The following ZFPM2 variants were observed in gnomAD, a reference collection of about 807,000 sequenced individuals.
ZFPM2 encodes the protein zinc finger protein, FOG family member 2.
ZFPM2 carries 20 observed loss-of-function variants against 98.6 expected under a neutral mutation model. The observed-to-expected ratio is 0.20, with a 90% CI of 0.14 to 0.29. The LOEUF is 0.29. Ranked by LOEUF, ZFPM2 falls within the 10% of genes least tolerant of loss-of-function variation. The pLI is 1.00. For synonymous variants in ZFPM2, 518 were observed against 502.7 expected (o/e 1.03, Z -0.41); for missense variants, 1,310 against 1,388.6 (o/e 0.94, Z 0.90).
Position 105,441,468 on chromosome 8 carries a change from A to G in ZFPM2, c.200-2812A>G, listed in dbSNP as rs1243099196. Among the ~76,000 whole-genome samples the G allele has an allele frequency of 6.2e-4, 50 of 80,112 alleles. 9 individuals carry two copies. Among genetic ancestry groups the G allele is most frequent in the African/African-American group, 4.2e-3 (47 of 11,060 alleles). The allele number at this position is 80,112 out of a possible 152,430, so 52.6% of individuals were successfully genotyped here. ...AGAGAGAGAGAGAAAGAAAGAAAGA[A>G]AGAAAGAAAGAAAGAAAGAAAGAAA... On this transcript the variant is annotated intron_variant, in intron 2 of 7. Transcript: ENST00000407775.
At chr8:105,736,770 T>C (rs1812081728) in intron 5 of ZFPM2, among the ~76,000 whole-genome samples, 3 of 152,086 alleles carry the variant, frequency 2.0e-5, no homozygotes, top group Non-Finnish European at 4.4e-5. Context: ...ACTAACTGAA[T>C]ATTCGATTTT....
intron 3 of ZFPM2, among the ~76,000 whole-genome samples, chr8:105,529,136 T>C (rs1050342056): frequency 7.2e-5 from 11 of 152,152 alleles, no homozygotes; most frequent in African/African-American, 2.7e-4. Flanking sequence ...CCCTAGCTTG[T>C]AGATGGCCAT....
intron 1 of ZFPM2, among the ~76,000 whole-genome samples, chr8:105,406,803 G>A (rs1768640255): frequency 6.6e-6 from 1 of 151,974 alleles, no homozygotes; most frequent in East Asian, 1.9e-4. Flanking sequence ...AATGTACATA[G>A]GGGAGGCCTA....
At chr8:105,368,497 C>A (rs545638149) in intron 1 of ZFPM2, among the ~76,000 whole-genome samples, 2 of 152,272 alleles carry the variant, frequency 1.3e-5, no homozygotes, top group Admixed American at 6.5e-5. Flanking sequence ...TAAATTAAAA[C>A]ATTGATGCTT....
chr8:105,390,910 G>A (rs768021728), intron 1 of ZFPM2, among the ~76,000 whole-genome samples: 9 of 152,150 alleles, frequency 5.9e-5, no homozygotes, highest in Non-Finnish European at 1.2e-4. Flanking sequence ...GCTAATTTTA[G>A]ATTCCTGGAG....
intron 5 of ZFPM2, among the ~76,000 whole-genome samples, chr8:105,750,699 C>A (rs1488043115): frequency 6.6e-6 from 1 of 151,924 alleles, no homozygotes; most frequent in African/African-American, 2.4e-5. Context: ...CTGAAATGAG[C>A]AACAGTAATA....
At chr8:105,425,944 G>C (rs1462619877) in intron 2 of ZFPM2, among the ~76,000 whole-genome samples, 2 of 151,978 alleles carry the variant, frequency 1.3e-5, no homozygotes, top group Non-Finnish European at 2.9e-5. Context: ...TTTGTTTCCT[G>C]TTTTCTTATG....
At chr8:105,354,209 C>A (rs1458240092) in intron 1 of ZFPM2, among the ~76,000 whole-genome samples, 2 of 152,118 alleles carry the variant, frequency 1.3e-5, no homozygotes, top group Non-Finnish European at 2.9e-5. Flanking sequence ...CGTATTGTAA[C>A]AAGAAAACAC....
chr8:105,437,903 C>G (rs1036556187), intron 2 of ZFPM2, among the ~76,000 whole-genome samples: 7 of 151,874 alleles, frequency 4.6e-5, no homozygotes, highest in African/African-American at 1.7e-4. Flanking sequence ...ATTAGATGGG[C>G]ATGGTGGTGC....
chr8:105,671,093 C>T (rs1817585317), intron 5 of ZFPM2, among the ~76,000 whole-genome samples: 1 of 152,054 alleles, frequency 6.6e-6, no homozygotes, highest in African/African-American at 2.4e-5. Flanking sequence ...ATGTATTCAT[C>T]TCTTTAAAAC....
intron 5 of ZFPM2, chr8:105,787,537 T>C (rs1039226117): frequency 1.3e-5 from 2 of 152,234 alleles, no homozygotes; most frequent in African/African-American, 4.8e-5. Context: ...TGCCATATCA[T>C]ATACTGTTGT....
At chr8:105,423,503 G>A (rs571604780) in intron 2 of ZFPM2, among the ~76,000 whole-genome samples, 23 of 152,226 alleles carry the variant, frequency 1.5e-4, no homozygotes, top group Admixed American at 6.5e-4. Context: ...AGAGTACGTG[G>A]CATCTTGCCT....
chr8:105,391,189 G>A (rs1288628160), intron 1 of ZFPM2, among the ~76,000 whole-genome samples: 1 of 152,192 alleles, frequency 6.6e-6, no homozygotes, highest in African/African-American at 2.4e-5. Flanking sequence ...CCACCAGTGT[G>A]TGCTCACTTC....
intron 5 of ZFPM2, among the ~76,000 whole-genome samples, chr8:105,778,276 G>A (rs1464673143): frequency 6.6e-6 from 1 of 152,070 alleles, no homozygotes; most frequent in Non-Finnish European, 1.5e-5. Flanking sequence ...GTTGAAATGG[G>A]ACAGTTATTT....
intron 1 of ZFPM2, among the ~76,000 whole-genome samples, chr8:105,360,605 C>T (rs1298821307): frequency 6.7e-6 from 1 of 150,310 alleles, no homozygotes; most frequent in Non-Finnish European, 1.5e-5. Flanking sequence ...GTATATCTCC[C>T]AGTGCTATCC....
chr8:105,632,721 C>A (rs1586163285), intron 4 of ZFPM2, among the ~76,000 whole-genome samples: 1 of 152,094 alleles, frequency 6.6e-6, no homozygotes, highest in African/African-American at 2.4e-5. Context: ...AAAATTACAT[C>A]TTTTTCGCAA....
chr8:105,382,881 G>C (rs1216281496), intron 1 of ZFPM2, among the ~76,000 whole-genome samples: 2 of 152,048 alleles, frequency 1.3e-5, no homozygotes, highest in African/African-American at 4.8e-5. Flanking sequence ...TGAAGCTTTG[G>C]TGACGATGAT....
intron 3 of ZFPM2, among the ~76,000 whole-genome samples, chr8:105,487,388 G>T (rs1484677286): frequency 6.6e-6 from 1 of 151,998 alleles, no homozygotes; most frequent in African/African-American, 2.4e-5. Flanking sequence ...CAAAGTATTG[G>T]GATTACAGGT....
intron 5 of ZFPM2, among the ~76,000 whole-genome samples, chr8:105,727,447 T>A (rs764536742): frequency 1.3e-5 from 2 of 151,834 alleles, no homozygotes; most frequent in Non-Finnish European, 2.9e-5. Context: ...AATTAATTGC[T>A]GATTTATGAA....
Sources: gnomAD v4.1 joint callset for allele counts (sites outside exome capture counted in the v4.1 genomes callset) on GRCh38, gnomAD v4.1.1 for gene constraint, MANE v1.5 for transcripts, NCBI Gene and HGNC (gene_info 2026-07-23, HGNC 2026-07-21) for gene names.